Variants in PPP1R12A observed in about 807,000 individuals in gnomAD.
PPP1R12A encodes the protein myosin binding subunit.
In PPP1R12A, 19 loss-of-function variants were observed where a neutral mutation model predicts 139.6. That is an observed-to-expected ratio of 0.14 (90% CI 0.09 to 0.20). PPP1R12A has a LOEUF of 0.20. Ranked by LOEUF, PPP1R12A falls within the 10% of genes least tolerant of loss-of-function variation. The pLI is 1.00. For missense variants in PPP1R12A, 925 were observed against 1,211.5 expected, an observed-to-expected ratio of 0.76 and a Z score of 3.51; for synonymous variants, 427 against 420.6, an observed-to-expected ratio of 1.02 and a Z score of -0.19.
At position 79,861,142 on chromosome 12, in the gene PPP1R12A, A is replaced by C. The variant is rs189240087; in HGVS notation, c.368+11666T>G. Among the ~76,000 whole-genome samples the C allele has an allele frequency of 1.4e-4, 22 of 152,342 alleles. 1 individual carries two copies. Among genetic ancestry groups the C allele is most frequent in the Middle Eastern group, 3.4e-3 (1 of 294 alleles). On this transcript the variant is annotated intron_variant, in intron 2 of 24. Transcript: ENST00000450142. ...AGGACTCCAGGCCTTGGGCAGGAAT[A>C]TAAAAGATTAGTCTGGAAAATCTTG...
intron 21 of PPP1R12A, chr12:79,788,114 A>T (rs1184483116): frequency 6.6e-6 from 1 of 152,364 alleles, no homozygotes; most frequent in African/African-American, 2.4e-5. Flanking sequence ...AAAGTATGTA[A>T]TTCAAATAGC....
intron 1 of PPP1R12A, among the ~76,000 whole-genome samples, chr12:79,891,165 T>C (rs979289324): frequency 2.0e-5 from 3 of 152,118 alleles, no homozygotes; most frequent in African/African-American, 4.8e-5. Context: ...TATATTCAGA[T>C]ATGTTTTTAA....
At chr12:79,834,908 T>C (rs1204692357) in intron 3 of PPP1R12A, among the ~76,000 whole-genome samples, 1 of 152,198 alleles carries the variant, frequency 6.6e-6, no homozygotes, top group Non-Finnish European at 1.5e-5. Context: ...TCTCACCCCA[T>C]CTGTGATTGT....
chr12:79,921,590 C>CAG (rs2136946791), intron 1 of PPP1R12A, among the ~76,000 whole-genome samples: 1 of 152,254 alleles, frequency 6.6e-6, no homozygotes, highest in Admixed American at 6.5e-5. Context: ...TCTACTCTAC[C>CAG]ACTTATTTAC....
intron 1 of PPP1R12A, among the ~76,000 whole-genome samples, chr12:79,899,131 T>C (rs1885392639): frequency 7.5e-6 from 1 of 134,064 alleles, no homozygotes; most frequent in South Asian, 2.4e-4. Flanking sequence ...AGAGTACATG[T>C]CTCCCTAAAT....
chr12:79,822,032 CA>C (rs1445045100), intron 6 of PPP1R12A, 83 bp downstream of exon 6: 19 of 994,866 alleles, frequency 1.9e-5, no homozygotes, highest in Non-Finnish European at 2.8e-5. Flanking sequence ...AAGTACAAAA[CA>C]TCACAAGAAT....
rs1869504642 is a variant in PPP1R12A, at chr12:79,774,140, C to G, written c.*1789G>C. ...CTGATCAGTTATCTGTATATTTTAC[C>G]TCCACATAAGACCATGGAAATTCTC... On this transcript the variant is annotated 3_prime_UTR_variant, in exon 25 of 25. Transcript: ENST00000450142. 6.6e-6 allele frequency: 1 copy of G among 152,076 alleles called. No homozygotes were observed. The highest frequency in any genetic ancestry group is 2.1e-4 in the South Asian group (1 of 4,830). 9.4% of individuals were successfully genotyped at this position (152,076 alleles called of 1,614,324 possible). A position where few individuals can be genotyped will look rare whatever the true frequency, so the allele number is the denominator to read the frequency against.
intron 1 of PPP1R12A, among the ~76,000 whole-genome samples, chr12:79,879,073 A>C (rs1883382939): frequency 6.6e-6 from 1 of 152,194 alleles, no homozygotes; most frequent in Non-Finnish European, 1.5e-5. Context: ...AAAAGCATTA[A>C]ACGGTAATGT....
intron 1 of PPP1R12A, among the ~76,000 whole-genome samples, chr12:79,893,640 T>C (rs1419768644): frequency 6.6e-6 from 1 of 152,232 alleles, no homozygotes; most frequent in Non-Finnish European, 1.5e-5. Context: ...TTTTTCTGTA[T>C]CATAGCTGAC....
At position 79,796,948 on chromosome 12, in the gene PPP1R12A, A is replaced by T. The variant is rs1423465784; in HGVS notation, c.2295T>A (p.Thr765=). 6.3e-7 allele frequency: 1 copy of T among 1,599,068 alleles called. No homozygotes were observed. The highest frequency in any genetic ancestry group is 2.2e-5 in the East Asian group (1 of 44,716). The part of the protein sequence containing the change: ...KQKYSRTYDE[T]YQRYRPVSTS... ...TTGATACTGGCCTATAACGCTGGTA[A>T]GTCTGTGAAACATTAAGATCAAAAC... is the stretch of plus-strand genomic sequence containing the variant. The change falls in exon 17 of 25, where the codon ACT becomes ACA. Residue 765 remains threonine (T), a splice_region_variant and synonymous_variant. Coordinates refer to ENST00000450142, the MANE Select transcript of PPP1R12A (RefSeq NM_002480.3).
intron 4 of PPP1R12A, among the ~76,000 whole-genome samples, chr12:79,829,837 T>C (rs1877207176): frequency 6.6e-6 from 1 of 151,946 alleles, no homozygotes; most frequent in Non-Finnish European, 1.5e-5. Context: ...AAAAAAGAGG[T>C]AAATTTTTTC....
At chr12:79,789,069 T>C (rs960400740) in intron 20 of PPP1R12A, among the ~76,000 whole-genome samples, 4 of 152,164 alleles carry the variant, frequency 2.6e-5, no homozygotes, top group African/African-American at 9.7e-5. Context: ...CCTGGGTTGC[T>C]GGGACTACAG....
intron 1 of PPP1R12A, among the ~76,000 whole-genome samples, chr12:79,933,797 T>C (rs778485047): frequency 2.0e-5 from 3 of 152,236 alleles, no homozygotes; most frequent in Admixed American, 6.5e-5. Flanking sequence ...TATAAAACTT[T>C]AATATGCACA....
At chr12:79,921,089 T>C (rs1449313614) in intron 1 of PPP1R12A, among the ~76,000 whole-genome samples, 2 of 152,200 alleles carry the variant, frequency 1.3e-5, no homozygotes, top group African/African-American at 2.4e-5. Context: ...CAAAAATGTG[T>C]CTTCTCAGCA....
chr12:79,782,123 G>A (rs903705961), intron 22 of PPP1R12A: 4 of 265,910 alleles, frequency 1.5e-5, no homozygotes, highest in East Asian at 1.4e-4. Flanking sequence ...TTAGTTGGGC[G>A]TGAGGGTGAG....
At chr12:79,883,520 C>T (rs150310128) in intron 1 of PPP1R12A, among the ~76,000 whole-genome samples, 37 of 152,112 alleles carry the variant, frequency 2.4e-4, no homozygotes, top group African/African-American at 8.7e-4. Context: ...AGAAGACATT[C>T]ATGAAGATAA....
intron 1 of PPP1R12A, among the ~76,000 whole-genome samples, chr12:79,890,891 C>CACACACA (rs1565800078): frequency 1.0e-5 from 1 of 99,534 alleles, no homozygotes; most frequent in South Asian, 3.6e-4. Context: ...CACACACCAC[C>CACACACA]CACCCACACC....
At chr12:79,811,143 A>G (rs1044146344) in intron 9 of PPP1R12A, among the ~76,000 whole-genome samples, 3 of 152,164 alleles carry the variant, frequency 2.0e-5, no homozygotes, top group Non-Finnish European at 4.4e-5. Context: ...TAGGGTATTA[A>G]TAATTTTTTA....
At chr12:79,903,875 C>T (rs545115753) in intron 1 of PPP1R12A, among the ~76,000 whole-genome samples, 6 of 152,094 alleles carry the variant, frequency 3.9e-5, no homozygotes, top group Non-Finnish European at 5.9e-5. Context: ...CATTTTTCCC[C>T]CTACTCAGTA....
Sources: gnomAD v4.1 joint callset for allele counts (sites outside exome capture counted in the v4.1 genomes callset) on GRCh38, gnomAD v4.1.1 for gene constraint, MANE v1.5 for transcripts, NCBI Gene and HGNC (gene_info 2026-07-23, HGNC 2026-07-21) for gene names.